RAD54L: variants seen among roughly 807,000 people sequenced by gnomAD.
RAD54L encodes DNA repair and recombination protein RAD54-like.
RAD54L carries 74 observed loss-of-function variants against 91.6 expected under a neutral mutation model. The ratio of observed to expected loss-of-function variants is 0.81; its 90% CI spans 0.67 to 0.98. The LOEUF (loss-of-function observed/expected upper bound fraction) is 0.98. Among genes scored for constraint, RAD54L ranks in the 50% least tolerant of loss-of-function variants. The probability of loss-of-function intolerance (pLI) is 0.00; values close to 1 mark genes in which losing one functional copy is unlikely to be tolerated. For missense variants in RAD54L, 887 were observed against 945.7 expected (o/e 0.94, Z 0.81); for synonymous variants, 304 against 349.7 (o/e 0.87, Z 1.46).
At chr1:46,261,204 G>GTTTTTTTTTTT in intron 7 of RAD54L, 57 bp from the exon 8 acceptor site, 2 of 1,341,006 alleles carry the variant, frequency 1.5e-6, no homozygotes, top group Non-Finnish European at 2.1e-6. Flanking sequence ...TGTTTTTTTT[G>GTTTTTTTTTTT]TTTTTTTTTT....
intron 3 of RAD54L, among the ~76,000 whole-genome samples, chr1:46,250,580 A>G (rs1354787263): frequency 6.6e-6 from 1 of 152,202 alleles, no homozygotes; most frequent in Non-Finnish European, 1.5e-5. Context: ...AGATCTGTCT[A>G]TCTCCAAAGC....
chr1:46,275,800 C>A (rs1660577639), intron 16 of RAD54L, among the ~76,000 whole-genome samples: 1 of 152,054 alleles, frequency 6.6e-6, no homozygotes, highest in African/African-American at 2.4e-5. Flanking sequence ...ATGAATTTTT[C>A]CTCTTCGTGT....
Position 46,273,367 on chromosome 1 carries a change from T to A in RAD54L, c.1388T>A (p.Ile463Asn), listed in dbSNP as rs774687849. Residue 463 changes from isoleucine to asparagine, a missense_variant, in exon 13 of 18, where the codon ATC (isoleucine) becomes AAC (asparagine). Physicochemically the swap from Ile to Asn is moderately radical, Grantham distance 149. Transcript: ENST00000371975. ...TGTTTTCTCCCAGATCCAGCTCTAATCTATGATAAGTGTGTGGAAGAGGAG... is the reference window on the plus strand; with the variant it reads ...TGTTTTCTCCCAGATCCAGCTCTAAACTATGATAAGTGTGTGGAAGAGGAG... ...LKKLCNHPAL[I>N]YDKCVEEEDG... is the part of the protein sequence containing the mutation. The A allele has an allele frequency of 1.5e-5, 24 of 1,612,354 alleles. No homozygotes were observed. In the South Asian group the frequency reaches 2.6e-4, roughly 18 times the overall value.
At chr1:46,254,338 T>TG (rs1659883467) in intron 3 of RAD54L, among the ~76,000 whole-genome samples, 1 of 151,614 alleles carries the variant, frequency 6.6e-6, no homozygotes, top group African/African-American at 2.4e-5. Flanking sequence ...CAAAAGTGCC[T>TG]GGGGCCCACA....
rs906599421 is a variant in RAD54L, at chr1:46,265,498, T to C, written c.892-1961T>C. ...CATGTTGGCCAGGCTGGACGCAAACTCCTGACCTCAGGTGATCCACTTGCC... is the reference window on the plus strand; with the variant it reads ...CATGTTGGCCAGGCTGGACGCAAACCCCTGACCTCAGGTGATCCACTTGCC... On this transcript the variant is annotated intron_variant, in intron 8 of 17. Transcript: ENST00000371975. This position sits in a 1 kb window ranked among gnomAD's most constrained non-coding sequence, Gnocchi z 4.8. Among the ~76,000 whole-genome samples the C allele has an allele frequency of 5.9e-5, 9 of 152,158 alleles. No homozygotes were observed. The highest frequency in any genetic ancestry group is 1.3e-4 in the Non-Finnish European group (9 of 68,030).
At chr1:46,259,928 A>G (rs1660052353) in intron 4 of RAD54L, 36 bp from the exon 5 acceptor site, 6 of 1,613,942 alleles carry the variant, frequency 3.7e-6, no homozygotes, top group South Asian at 1.1e-5. Flanking sequence ...GCTCCTAAAC[A>G]TAGATTCAGG....
rs757277034 is a variant in RAD54L, at chr1:46,270,640, C to T, written c.1043-19C>T. ...TTCCTTTTCCACATTCTTCTGTTTT[C>T]CTTCTCTCCTGTGTTTAGGGACTGC... is the stretch of plus-strand genomic sequence containing the variant. On this transcript the variant is annotated intron_variant, in intron 9 of 17. Transcript: ENST00000371975. 2 of 1,612,432 alleles carry T rather than the reference C, an allele frequency of 1.2e-6. No homozygotes were observed. The highest frequency in any genetic ancestry group is 1.7e-6 in the Non-Finnish European group (2 of 1,179,874).
intron 4 of RAD54L, 126 bp downstream of exon 4, chr1:46,258,872 G>T (rs1569577043): frequency 2.5e-6 from 2 of 798,854 alleles, no homozygotes; most frequent in East Asian, 5.4e-5. Flanking sequence ...CGGTGGCTGT[G>T]TTTGGGGTGA....
intron 8 of RAD54L, among the ~76,000 whole-genome samples, chr1:46,262,435 C>T (rs930671945): frequency 6.6e-6 from 1 of 151,864 alleles, no homozygotes; most frequent in African/African-American, 2.4e-5. Flanking sequence ...CCAAAAAACA[C>T]ACATATACAC....
At chr1:46,269,768 T>A (rs1660369035) in intron 9 of RAD54L, among the ~76,000 whole-genome samples, 1 of 152,178 alleles carries the variant, frequency 6.6e-6, no homozygotes. Flanking sequence ...TCCAATATAT[T>A]AATATGATCT....
Position 46,270,759 on chromosome 1 carries a change from G to C in RAD54L, c.1143G>C (p.Leu381=). Residue 381 remains leucine, a synonymous_variant, in exon 10 of 18, where the codon CTG becomes CTC. Coordinates refer to ENST00000371975, the MANE Select transcript of RAD54L (RefSeq NM_003579.4). ...EADRQLGEER[L]RELTSIVNRC... Reference sequence around the variant, plus strand: ...ACAGGCAGCTAGGAGAGGAGCGGCTGCGGGAGCTCACCAGCATTGTGAATA... The same window carrying C: ...ACAGGCAGCTAGGAGAGGAGCGGCTCCGGGAGCTCACCAGCATTGTGAATA... 2 of 1,614,234 alleles carry C rather than the reference G, an allele frequency of 1.2e-6. No individual in the cohort carries two copies. The highest frequency in any genetic ancestry group is 8.5e-7 in the Non-Finnish European group (1 of 1,180,048).
chr1:46,261,038 G>T, intron 7 of RAD54L, 23 bp downstream of exon 7: 1 of 1,609,876 alleles, frequency 6.2e-7, no homozygotes, highest in South Asian at 1.1e-5. Flanking sequence ...AACAAAGATG[G>T]CTGCACTCTC....
chr1:46,275,266 T>C (rs1660560073), intron 16 of RAD54L, among the ~76,000 whole-genome samples: 1 of 152,232 alleles, frequency 6.6e-6, no homozygotes, highest in African/African-American at 2.4e-5. Flanking sequence ...CTGGCCTTCA[T>C]GTTTCCTTGA....
chr1:46,258,359 T>C (rs985857696), intron 3 of RAD54L, among the ~76,000 whole-genome samples: 8 of 151,998 alleles, frequency 5.3e-5, no homozygotes, highest in Non-Finnish European at 1.2e-4. Flanking sequence ...TAACCCTATA[T>C]GACAGTGGTT....
chr1:46,258,283 T>A, intron 3 of RAD54L, among the ~76,000 whole-genome samples: 2 of 149,396 alleles, frequency 1.3e-5, no homozygotes, highest in Non-Finnish European at 1.5e-5. Context: ...GTATTAGATA[T>A]ATTAGACATA....
chr1:46,262,274 G>T (rs143753666), intron 8 of RAD54L, among the ~76,000 whole-genome samples: 1 of 151,314 alleles, frequency 6.6e-6, no homozygotes, highest in African/African-American at 2.4e-5. Context: ...GAGCGTGGTG[G>T]TGGGTGCCTG....
chr1:46,273,669 G>A lies in RAD54L; in HGVS notation c.1532G>A (p.Arg511His), dbSNP rs372456315. Residue 511 changes from arginine (R) to histidine (H), a missense_variant, in exon 14 of 18, where the codon CGT becomes CAT. Arg to His is a conservative substitution (Grantham distance 29, BLOSUM62 0). Coordinates refer to ENST00000371975, the MANE Select transcript of RAD54L (RefSeq NM_003579.4). ...LDYILAVTRS[R>H]SSDKVVLVSN... ...TATATTCTGGCGGTGACCCGAAGCCGTAGCAGTGACAAAGTAGTGCTGGTG... is the reference window on the plus strand; with the variant it reads ...TATATTCTGGCGGTGACCCGAAGCCATAGCAGTGACAAAGTAGTGCTGGTG... 98 of 1,613,850 alleles carry A rather than the reference G, an allele frequency of 6.1e-5. No homozygotes were observed. Among genetic ancestry groups the A allele is most frequent in the Non-Finnish European group, 7.7e-5 (91 of 1,180,010 alleles).
At chr1:46,270,183 C>G (rs866860694) in intron 9 of RAD54L, among the ~76,000 whole-genome samples, 2 of 152,110 alleles carry the variant, frequency 1.3e-5, no homozygotes, top group Non-Finnish European at 1.5e-5. Context: ...GCGTGGCCAA[C>G]ATGGTGAAAC....
Position 46,274,729 on chromosome 1 carries a change from G to GTC in RAD54L, c.1869+12_1869+13insTC. On this transcript the variant is annotated intron_variant, in intron 16 of 17. Coordinates refer to ENST00000371975, the MANE Select transcript of RAD54L (RefSeq NM_003579.4). Reference sequence around the variant, plus strand: ...ACCGCCTGCTGTCTGTAAGGATGGTGATAGTAGTCATAGTAGGGGTGGGTC... The same window carrying GTC: ...ACCGCCTGCTGTCTGTAAGGATGGTGTCATAGTAGTCATAGTAGGGGTGGGTC... 1 of 1,614,024 alleles carries GTC rather than the reference G, an allele frequency of 6.2e-7. No homozygotes were observed. Among genetic ancestry groups the GTC allele is most frequent in the Non-Finnish European group, 8.5e-7 (1 of 1,179,974 alleles).
Sources: allele counts gnomAD v4.1 joint callset (sites outside exome capture counted in the v4.1 genomes callset), GRCh38; gene constraint gnomAD v4.1.1; non-coding constraint Gnocchi (gnomAD v3.1); transcripts MANE v1.5; gene names NCBI Gene and HGNC (gene_info 2026-07-23, HGNC 2026-07-21).